LEPROTL1: variants seen among roughly 807,000 people sequenced by gnomAD.
The protein encoded by LEPROTL1 is leptin receptor overlapping transcript like 1, also known as leptin receptor overlapping transcript-like 1.
Under a neutral mutation model 15.4 loss-of-function variants are expected in LEPROTL1, and 6 were observed. That is an observed-to-expected ratio of 0.39 (90% CI 0.21 to 0.77). The LOEUF (loss-of-function observed/expected upper bound fraction) is 0.77. LEPROTL1 is among the 30% of genes least tolerant of loss of function. The pLI is 0.41. For missense variants in LEPROTL1, 128 were observed against 158.1 expected, an observed-to-expected ratio of 0.81 and a Z score of 1.02; for synonymous variants, 56 against 52.6, an observed-to-expected ratio of 1.06 and a Z score of -0.28.
exon 5 of LEPROTL1, chr8:30,137,314 T>C: frequency 4.5e-6 from 7 of 1,551,702 alleles, no homozygotes; most frequent in Non-Finnish European, 6.1e-6. Context: ...AACAGCTGAG[T>C]CTGAAGGAAG....
At chr8:30,132,790 G>C (rs144199295) in intron 4 of LEPROTL1, 3 of 1,551,624 alleles carry the variant, frequency 1.9e-6, no homozygotes, top group Non-Finnish European at 1.7e-6. Context: ...CTCAGACAAA[G>C]AGCTCCTGCT....
rs192182579 is a variant in LEPROTL1 at position 30,096,293 on chromosome 8, C to T, written c.16+765C>T. The T allele has an allele frequency of 6.9e-4, 679 of 979,414 alleles. 6 individuals are homozygous for T. In the African/African-American group the frequency reaches 0.011, roughly 15 times the overall value. The allele number at this position is 979,414 out of a possible 1,614,324, so 60.7% of individuals were successfully genotyped here. A position where few individuals can be genotyped will look rare whatever the true frequency, so the allele number is the denominator to read the frequency against. On this transcript the variant is annotated intron_variant, in intron 1 of 3. Coordinates refer to ENST00000321250, the MANE Select transcript of LEPROTL1 (RefSeq NM_015344.3). ...TTTTCTTTTAAAAAAAGGAATGTTG[C>T]ATTTGTTCCACCTGTTAGGTAGTTT...
At chr8:30,121,170 C>T (rs1338263795) in intron 3 of LEPROTL1, among the ~76,000 whole-genome samples, 1 of 152,150 alleles carries the variant, frequency 6.6e-6, no homozygotes, top group Non-Finnish European at 1.5e-5. Flanking sequence ...TCTCTTACCT[C>T]CAGGGTTCTG....
At chr8:30,112,215 G>A (rs754823808), downstream of LEPROTL1, among the ~76,000 whole-genome samples, 2 of 151,812 alleles carry the variant, frequency 1.3e-5, no homozygotes, top group African/African-American at 2.4e-5. Flanking sequence ...ATTCAGAGTT[G>A]GGACGCTAAC....
downstream of LEPROTL1, among the ~76,000 whole-genome samples, chr8:30,112,424 TTTTTTTTG>T (rs1802668305): frequency 1.5e-5 from 2 of 136,012 alleles, no homozygotes; most frequent in Non-Finnish European, 3.2e-5. Context: ...TTTTTTTTTT[TTTTTTTTG>T]GATTTTTGGT....
intron 4 of LEPROTL1, among the ~76,000 whole-genome samples, chr8:30,134,145 C>T (rs1414520213): frequency 6.6e-6 from 1 of 152,186 alleles, no homozygotes; most frequent in African/African-American, 2.4e-5. Context: ...CTCTTACCAG[C>T]TGGGTGTGGT....
At chr8:30,102,897 A>G (rs558992659) in intron 2 of LEPROTL1, among the ~76,000 whole-genome samples, 1 of 152,166 alleles carries the variant, frequency 6.6e-6, no homozygotes, top group South Asian at 2.1e-4. Context: ...GGGAGTACAC[A>G]TAGATAGTTT....
chr8:30,133,725 G>T (rs1216903586), intron 4 of LEPROTL1, among the ~76,000 whole-genome samples: 1 of 148,678 alleles, frequency 6.7e-6, no homozygotes, highest in African/African-American at 2.5e-5. Context: ...GGAGTTCAAG[G>T]CTGCAGTGAG....
Position 30,106,502 on chromosome 8 carries a change from T to C in LEPROTL1, c.*640T>C. ...AGACAGATGTTTTGTGGATTGAAAA[T>C]TATTTTATGGAATTGCTACAGAGGA... On this transcript the variant is annotated 3_prime_UTR_variant, in exon 4 of 4. Transcript: ENST00000321250. 2 of 985,846 alleles carry C rather than the reference T, an allele frequency of 2.0e-6. No homozygotes were observed. Among genetic ancestry groups the C allele is most frequent in the Non-Finnish European group, 2.4e-6 (2 of 829,914 alleles). The allele number at this position is 985,846 out of a possible 1,614,324, so 61.1% of individuals were successfully genotyped here. A position where few individuals can be genotyped will look rare whatever the true frequency, so the allele number is the denominator to read the frequency against.
Position 30,102,041 on chromosome 8 carries a change from ATGTTTTTTTACTAC to A in LEPROTL1, c.92+72_92+85del, listed in dbSNP as rs1273318103. 13 of 998,380 alleles carry A rather than the reference ATGTTTTTTTACTAC, an allele frequency of 1.3e-5. No homozygotes were observed. In the Admixed American group the frequency reaches 3.0e-4, roughly 23 times the overall value. The allele number at this position is 998,380 out of a possible 1,614,324, so 61.8% of individuals were successfully genotyped here. The stretch of plus-strand genomic sequence containing the variant: ...TTTTCTACTTTTAAAGCTTAAAAAA[ATGTTTTTTTACTAC>A]TGTAAAAGTAATGCAGAGAAATGTT... On this transcript the variant is annotated intron_variant, in intron 2 of 3. Coordinates refer to ENST00000321250, the MANE Select transcript of LEPROTL1 (RefSeq NM_015344.3).
At chr8:30,131,282 A>G (rs940369027) in intron 3 of LEPROTL1, among the ~76,000 whole-genome samples, 5 of 51,226 alleles carry the variant, frequency 9.8e-5, no homozygotes, top group African/African-American at 1.4e-4. Flanking sequence ...GTGTGTGTAT[A>G]TATATATATA....
chr8:30,121,341 C>T (rs74659267), intron 3 of LEPROTL1, among the ~76,000 whole-genome samples: 1,804 of 152,200 alleles, frequency 0.012, 20 homozygotes, highest in Non-Finnish European at 0.018. Context: ...CAACCTTGGC[C>T]TCCTGGGTTC....
intron 1 of LEPROTL1, among the ~76,000 whole-genome samples, chr8:30,101,535 T>C (rs1802465917): frequency 6.6e-6 from 1 of 151,958 alleles, no homozygotes; most frequent in Admixed American, 6.6e-5. Context: ...GATGTGGTAG[T>C]GCATTCCTGT....
intron 3 of LEPROTL1, among the ~76,000 whole-genome samples, chr8:30,127,779 C>A (rs1294157451): frequency 6.6e-6 from 1 of 151,186 alleles, no homozygotes; most frequent in Non-Finnish European, 1.5e-5. Flanking sequence ...AGGGTTACTT[C>A]TAGATCAAGC....
chr8:30,125,048 C>G (rs1311883984), intron 3 of LEPROTL1, among the ~76,000 whole-genome samples: 1 of 152,170 alleles, frequency 6.6e-6, no homozygotes, highest in Non-Finnish European at 1.5e-5. Context: ...GAAACTAAAC[C>G]AAAGTATCAC....
chr8:30,119,924 C>G (rs924076777), intron 3 of LEPROTL1, among the ~76,000 whole-genome samples: 2 of 152,106 alleles, frequency 1.3e-5, no homozygotes, highest in Non-Finnish European at 2.9e-5. Flanking sequence ...CAAAAACTAG[C>G]AGAGCGTGGT....
In LEPROTL1 at chr8:30,100,452, T is replaced by C. The variant is rs573600705; in HGVS notation, c.17-1446T>C. 1.1e-3 allele frequency among the ~76,000 whole-genome samples: 160 copies of C among 152,306 alleles called. 1 individual carries two copies. Among genetic ancestry groups the C allele is most frequent in the African/African-American group, 3.7e-3 (153 of 41,566 alleles). ...TCAAAATAAATTTATCATTTACTTA[T>C]TTATTTATTTTTTTTGAGATGGAGT... On this transcript the variant is annotated intron_variant, in intron 1 of 3. Transcript: ENST00000321250.
At chr8:30,114,829 T>A (rs1264084417) in intron 3 of LEPROTL1, among the ~76,000 whole-genome samples, 1 of 152,140 alleles carries the variant, frequency 6.6e-6, no homozygotes, top group Non-Finnish European at 1.5e-5. Context: ...TGTCCGTCTT[T>A]TAGCAGACTT....
intron 2 of LEPROTL1, 101 bp from the exon 3 acceptor site, chr8:30,104,199 A>T: frequency 1.5e-6 from 1 of 645,250 alleles, no homozygotes; most frequent in Non-Finnish European, 2.4e-6. Flanking sequence ...ATCATCCATT[A>T]GAAGTCAAGC....
Sources: allele counts gnomAD v4.1 joint callset (sites outside exome capture counted in the v4.1 genomes callset), GRCh38; gene constraint gnomAD v4.1.1; transcripts MANE v1.5; gene names NCBI Gene and HGNC (gene_info 2026-07-23, HGNC 2026-07-21).